The following DYNLRB1 variants were observed in gnomAD, a reference collection of about 807,000 sequenced individuals.
The protein encoded by DYNLRB1 is ROBL/LC7-like 1.
In DYNLRB1, 6 loss-of-function variants were observed where a neutral mutation model predicts 13.5. That is an observed-to-expected ratio of 0.44 (90% CI 0.24 to 0.88). The LOEUF (loss-of-function observed/expected upper bound fraction) is 0.88. Among genes scored for constraint, DYNLRB1 ranks in the 40% least tolerant of loss-of-function variants. The pLI, the probability that DYNLRB1 is intolerant of heterozygous loss-of-function variation, is 0.21. For synonymous variants in DYNLRB1, 43 were observed against 45.0 expected (o/e 0.96, Z 0.18); for missense variants, 93 against 127.2 (o/e 0.73, Z 1.29).
chr20:34,531,425 T>G (rs1053150059), intron 2 of DYNLRB1, among the ~76,000 whole-genome samples: 1 of 152,242 alleles, frequency 6.6e-6, no homozygotes, highest in African/African-American at 2.4e-5. Context: ...AGCTCCAGCA[T>G]CCAGTGAATC....
chr20:34,535,430 G>C, intron 3 of DYNLRB1: 1 of 905,756 alleles, frequency 1.1e-6, no homozygotes, highest in Non-Finnish European at 1.3e-6. Context: ...TGCAACCAAG[G>C]CCTGTGTTTA....
chr20:34,537,161 T>C (rs1316523494), intron 3 of DYNLRB1, among the ~76,000 whole-genome samples: 1 of 152,096 alleles, frequency 6.6e-6, no homozygotes, highest in Non-Finnish European at 1.5e-5. Context: ...AGGTGGCCAG[T>C]CCCTCACCTT....
At chr20:34,517,109 A>G (rs867221236) in intron 1 of DYNLRB1, among the ~76,000 whole-genome samples, 8 of 152,280 alleles carry the variant, frequency 5.3e-5, no homozygotes, top group Middle Eastern at 6.8e-3. Flanking sequence ...TGCTTGCTGC[A>G]GCTGTGGGTT....
chr20:34,528,026 T>TTTACAAAAATAACATAA (rs1266991996), intron 2 of DYNLRB1, among the ~76,000 whole-genome samples: 3 of 134,810 alleles, frequency 2.2e-5, no homozygotes, highest in South Asian at 2.3e-4. Context: ...CCTACTGGAG[T>TTTACAAAAATAACATAA]AGCCGGCCGG....
chr20:34,530,588 A>C (rs1298708157), intron 2 of DYNLRB1: 1 of 152,658 alleles, frequency 6.6e-6, no homozygotes, highest in Non-Finnish European at 1.5e-5. Flanking sequence ...CCCAGTTTGC[A>C]GATGAGAAAC....
intron 2 of DYNLRB1, 102 bp downstream of exon 2, chr20:34,526,445 C>T: frequency 1.2e-6 from 1 of 828,494 alleles, no homozygotes; most frequent in South Asian, 1.7e-5. Flanking sequence ...TGAATCTGAT[C>T]TAATTTTAGG....
chr20:34,533,657 A>G (rs756830263), intron 2 of DYNLRB1: 4 of 268,900 alleles, frequency 1.5e-5, no homozygotes, highest in African/African-American at 4.6e-5. Context: ...CGTCTCTTCT[A>G]AAAATACAAA....
In DYNLRB1 at chr20:34,534,044, G is replaced by A. The variant is rs547872447; in HGVS notation, c.80-584G>A. On this transcript the variant is annotated intron_variant, in intron 2 of 3. Transcript: ENST00000357156. ...TAATCCCAGATACTTGGGAAACTGA[G>A]GCAGGAGAATCACTTGAACCCGGGA... is the stretch of plus-strand genomic sequence containing the variant. Among the ~76,000 whole-genome samples the A allele has an allele frequency of 1.4e-4, 21 of 151,776 alleles. No homozygotes were observed. The South Asian group carries it at 4.4e-3, about 32-fold the overall frequency.
intron 1 of DYNLRB1, among the ~76,000 whole-genome samples, chr20:34,522,469 C>CTTTTTTTTTTTTTTTTTTTTTTTTTTTT (rs771811577): frequency 1.0e-3 from 78 of 77,200 alleles, no homozygotes; most frequent in Non-Finnish European, 1.2e-3. Context: ...TTTTCTTTTT[C>CTTTTTTTTTTTTTTTTTTTTTTTTTTTT]TTTTTTTTTT....
At chr20:34,523,908 C>T (rs1420814419) in intron 1 of DYNLRB1, among the ~76,000 whole-genome samples, 1 of 152,194 alleles carries the variant, frequency 6.6e-6, no homozygotes. Flanking sequence ...GCCCCATTCT[C>T]CAATCTCTGG....
In DYNLRB1 at chr20:34,523,502, C is replaced by T. The variant is rs1028470285; in HGVS notation, c.4-2766C>T. Reference sequence around the variant, plus strand: ...CCACAGTGGCCCCTTTGCTTTTCCCCCTGAACATACCGGATGCTTGCCCAC... The same window carrying T: ...CCACAGTGGCCCCTTTGCTTTTCCCTCTGAACATACCGGATGCTTGCCCAC... On this transcript the variant is annotated intron_variant, in intron 1 of 3. Coordinates refer to ENST00000357156, the MANE Select transcript of DYNLRB1 (RefSeq NM_014183.4). Among the ~76,000 whole-genome samples the T allele has an allele frequency of 5.0e-4, 76 of 152,152 alleles. 3 individuals are homozygous for T.
intron 3 of DYNLRB1, among the ~76,000 whole-genome samples, chr20:34,539,444 C>T (rs1426293778): frequency 6.6e-6 from 1 of 152,178 alleles, no homozygotes; most frequent in Non-Finnish European, 1.5e-5. Context: ...CTTTGGGAGG[C>T]TGAGACAGGA....
At chr20:34,539,582 C>T (rs1000976999) in intron 3 of DYNLRB1, among the ~76,000 whole-genome samples, 1 of 151,916 alleles carries the variant, frequency 6.6e-6, no homozygotes, top group Non-Finnish European at 1.5e-5. Context: ...GTGAGGCGAT[C>T]TGCAACTTCT....
At chr20:34,526,163 A>T in intron 1 of DYNLRB1, 105 bp from the exon 2 acceptor site, 1 of 1,249,820 alleles carries the variant, frequency 8.0e-7, no homozygotes, top group Non-Finnish European at 1.2e-6. Flanking sequence ...CCTGAGTATT[A>T]CTTGTTTGTT....
intron 1 of DYNLRB1, among the ~76,000 whole-genome samples, chr20:34,519,383 A>G (rs1979527425): frequency 6.6e-6 from 1 of 152,078 alleles, no homozygotes; most frequent in Non-Finnish European, 1.5e-5. Context: ...TGAAACTGGA[A>G]TATATATATA....
chr20:34,533,782 G>A (rs770075759), intron 2 of DYNLRB1, among the ~76,000 whole-genome samples: 4 of 151,508 alleles, frequency 2.6e-5, no homozygotes, highest in Admixed American at 6.6e-5. Context: ...TTGCACCATT[G>A]CACTCCAGCC....
At chr20:34,518,111 TC>T (rs1368991725) in intron 1 of DYNLRB1, among the ~76,000 whole-genome samples, 1 of 152,012 alleles carries the variant, frequency 6.6e-6, no homozygotes, top group Admixed American at 6.6e-5. Context: ...GTTTTTTTTT[TC>T]GTTTTTGTTG....
chr20:34,526,380 A>G, intron 2 of DYNLRB1, 37 bp downstream of exon 2: 1 of 1,609,438 alleles, frequency 6.2e-7, no homozygotes, highest in Non-Finnish European at 8.5e-7. Flanking sequence ...GCACCCAGGC[A>G]GGCCCAGAAG....
At chr20:34,538,222 C>T (rs1981322223) in intron 3 of DYNLRB1, among the ~76,000 whole-genome samples, 1 of 150,584 alleles carries the variant, frequency 6.6e-6, no homozygotes, top group Admixed American at 6.6e-5. Flanking sequence ...CCCACCTCAG[C>T]CTCCCAAAGT....
Sources: gnomAD v4.1 joint callset for allele counts (sites outside exome capture counted in the v4.1 genomes callset) on GRCh38, gnomAD v4.1.1 for gene constraint, MANE v1.5 for transcripts, NCBI Gene and HGNC (gene_info 2026-07-23, HGNC 2026-07-21) for gene names.